DNAJC17: variants seen among roughly 807,000 people sequenced by gnomAD.
The protein encoded by DNAJC17 is DnaJ heat shock protein family (Hsp40) member C17, also known as dnaJ homolog subfamily C member 17.
Under a neutral mutation model 48.1 loss-of-function variants are expected in DNAJC17, and 35 were observed. The observed-to-expected ratio is 0.73, with a 90% CI of 0.56 to 0.96. The LOEUF is 0.96. Among genes scored for constraint, DNAJC17 ranks in the 50% least tolerant of loss-of-function variants. The pLI, the probability that DNAJC17 is intolerant of heterozygous loss-of-function variation, is 0.00. For missense variants in DNAJC17, 355 were observed against 377.1 expected, an observed-to-expected ratio of 0.94 and a Z score of 0.48; for synonymous variants, 117 against 142.7, an observed-to-expected ratio of 0.82 and a Z score of 1.28.
intron 1 of DNAJC17, among the ~76,000 whole-genome samples, chr15:40,795,739 A>G (rs1315643355): frequency 6.6e-6 from 1 of 151,994 alleles, no homozygotes; most frequent in African/African-American, 2.4e-5. Context: ...TACTAAAAAT[A>G]CAAAAATTAG....
intron 1 of DNAJC17, chr15:40,807,096 G>A (rs1272851270): frequency 2.8e-6 from 2 of 720,596 alleles, no homozygotes; most frequent in Admixed American, 6.0e-5. Flanking sequence ...AGCGTTCCTT[G>A]CTGCCTCGCC....
At chr15:40,796,449 A>T (rs1262379551) in intron 1 of DNAJC17, among the ~76,000 whole-genome samples, 4 of 152,208 alleles carry the variant, frequency 2.6e-5, no homozygotes, top group Non-Finnish European at 5.9e-5. Context: ...TGGGAGATAG[A>T]TAACTGCCCA....
chr15:40,780,039 C>A (rs1484649581), intron 1 of DNAJC17, 42 bp from the exon 2 acceptor site: 14 of 1,595,952 alleles, frequency 8.8e-6, no homozygotes, highest in Non-Finnish European at 1.2e-5. Context: ...CACTCTCATC[C>A]CAGGGACAAA....
At chr15:40,775,190 C>CTTGG in intron 7 of DNAJC17, 82 bp from the exon 8 acceptor site, 1 of 1,443,026 alleles carries the variant, frequency 6.9e-7, no homozygotes, top group Non-Finnish European at 9.7e-7. Context: ...TCTGAGCAGA[C>CTTGG]ATCCTCCCAC....
rs1250814356 is a variant in DNAJC17, at chr15:40,767,095, C to T, written c.*845G>A. ...GGAGGCAGGGGGCGTGCACTTACCC[C>T]AGCGCCCAGCAAGCAGCCAGCAAGT... On this transcript the variant is annotated 3_prime_UTR_variant, in exon 11 of 11. Coordinates refer to ENST00000220496, the MANE Select transcript of DNAJC17 (RefSeq NM_018163.3). 8 of 905,380 alleles carry T rather than the reference C, an allele frequency of 8.8e-6. No homozygotes were observed. The highest frequency in any genetic ancestry group is 1.7e-5 in the African/African-American group (1 of 57,694). The allele number at this position is 905,380 out of a possible 1,614,324, so 56.1% of individuals were successfully genotyped here.
In DNAJC17 at chr15:40,767,299, AGC is replaced by A. The variant is rs1888971881; in HGVS notation, c.*639_*640del. ...GGAACGCAGGGGCTTCCGTGTGCTG[AGC>A]ATGACGGGGGTGGGCCAGACGCTGG... On this transcript the variant is annotated 3_prime_UTR_variant, in exon 11 of 11. Coordinates refer to ENST00000220496, the MANE Select transcript of DNAJC17 (RefSeq NM_018163.3). The A allele has an allele frequency of 6.2e-7, 1 of 1,604,722 alleles. No homozygotes were observed. The highest frequency in any genetic ancestry group is 1.3e-5 in the African/African-American group (1 of 74,218).
At chr15:40,801,355 G>T (rs1268493697) in intron 1 of DNAJC17, among the ~76,000 whole-genome samples, 2 of 152,168 alleles carry the variant, frequency 1.3e-5, no homozygotes, top group African/African-American at 4.8e-5. Context: ...GCTTCTCTGA[G>T]GATGCCATTT....
chr15:40,789,849 T>G (rs1212289911), intron 1 of DNAJC17, among the ~76,000 whole-genome samples: 2 of 125,298 alleles, frequency 1.6e-5, no homozygotes, highest in East Asian at 4.8e-4. Context: ...CATCTTGCAG[T>G]GAGCCGAGAT....
intron 1 of DNAJC17, among the ~76,000 whole-genome samples, chr15:40,789,076 A>T (rs541584766): frequency 1.1e-3 from 174 of 152,186 alleles, no homozygotes; most frequent in African/African-American, 3.7e-3. Flanking sequence ...TGCTCCCAAA[A>T]CATGGGCCTG....
rs148595451 is a variant in DNAJC17 at position 40,776,610 on chromosome 15, G to A, written c.313C>T (p.Arg105Trp). The change falls in exon 5 of 11, where the codon CGG becomes TGG. Residue 105 changes from arginine (R) to tryptophan (W), a missense_variant. Arg to Trp is a moderately radical substitution (Grantham distance 101). Transcript: ENST00000220496. ...KVKLDLEARE[R>W]QAQAQESEEE... The stretch of plus-strand genomic sequence containing the variant: ...TCACTCTCCTGGGCCTGGGCCTGCC[G>A]CTCCCGGGCCTCCAGGTCTAGACAC... 6.0e-5 allele frequency: 97 copies of A among 1,613,872 alleles called. No individual in the cohort carries two copies. In the African/African-American group the frequency reaches 6.3e-4, roughly 10 times the overall value.
intron 1 of DNAJC17, among the ~76,000 whole-genome samples, chr15:40,792,832 CCT>C (rs1889840881): frequency 6.6e-6 from 1 of 152,046 alleles, no homozygotes; most frequent in Non-Finnish European, 1.5e-5. Flanking sequence ...AATTTTGTAA[CCT>C]CTCTGAACCT....
At chr15:40,780,756 G>A (rs1347677842) in intron 1 of DNAJC17, among the ~76,000 whole-genome samples, 1 of 152,042 alleles carries the variant, frequency 6.6e-6, no homozygotes, top group Non-Finnish European at 1.5e-5. Context: ...GGAGGTTGCA[G>A]TGAGCCGAAA....
In DNAJC17 at chr15:40,767,825, G is replaced by T; in HGVS notation, c.*115C>A. ...CCAGGCCTGGGTGGAGCGCTCTGCG[G>T]CAGAGCCCAGCACCTTATACCTATG... On this transcript the variant is annotated 3_prime_UTR_variant, in exon 11 of 11. Transcript: ENST00000220496. 1.4e-6 allele frequency: 2 copies of T among 1,451,996 alleles called. No individual in the cohort carries two copies. Among genetic ancestry groups the T allele is most frequent in the Non-Finnish European group, 1.8e-6 (2 of 1,091,512 alleles). The allele number at this position is 1,451,996 out of a possible 1,614,324, so 89.9% of individuals were successfully genotyped here. A position where few individuals can be genotyped will look rare whatever the true frequency, so the allele number is the denominator to read the frequency against.
At chr15:40,799,262 T>G (rs1183227007) in intron 1 of DNAJC17, among the ~76,000 whole-genome samples, 4 of 148,628 alleles carry the variant, frequency 2.7e-5, no homozygotes, top group Non-Finnish European at 5.9e-5. Flanking sequence ...TGGTGCTCGC[T>G]GCTTCAGGCT....
intron 3 of DNAJC17, 56 bp downstream of exon 3, chr15:40,779,489 G>C: frequency 3.1e-6 from 5 of 1,605,218 alleles, no homozygotes; most frequent in Non-Finnish European, 4.3e-6. Flanking sequence ...GAGGTTGAGA[G>C]GCAGCAGTGG....
In DNAJC17 at chr15:40,775,146, G is replaced by A. The variant is rs138210605; in HGVS notation, c.523-38C>T. ...CCTCATGAAACACTGATTCTTGGCT[G>A]AACAGTACCTCACCCCACGACTGAG... On this transcript the variant is annotated intron_variant, in intron 7 of 10. Transcript: ENST00000220496. 668 of 1,601,046 alleles carry A rather than the reference G, an allele frequency of 4.2e-4. 3 individuals are homozygous for A. In the African/African-American group the frequency reaches 8.4e-3, roughly 20 times the overall value.
At position 40,769,144 on chromosome 15, in the gene DNAJC17, G is replaced by A. The variant is rs1174795825; in HGVS notation, c.793-1082C>T. On this transcript the variant is annotated intron_variant, in intron 10 of 10. Transcript: ENST00000220496. The surrounding 1 kb of genome is among the most constrained non-coding windows in gnomAD (Gnocchi z 4.2). ...GGTTCCCCTGTTCCTCCCGATGGCT[G>A]CACCCCTCCCCTCTCCCCGGCTGCA... Among the ~76,000 whole-genome samples, 1 of 152,216 alleles carries A rather than the reference G, an allele frequency of 6.6e-6. No individual in the cohort carries two copies. The highest frequency in any genetic ancestry group is 1.9e-4 in the East Asian group (1 of 5,198).
chr15:40,779,704 T>C (rs1463695121), intron 2 of DNAJC17, 101 bp from the exon 3 acceptor site: 28 of 1,361,662 alleles, frequency 2.1e-5, no homozygotes, highest in Non-Finnish European at 2.3e-5. Flanking sequence ...AGTCACAGGA[T>C]GGCAGACAAG....
intron 1 of DNAJC17, among the ~76,000 whole-genome samples, chr15:40,802,461 G>A (rs1467381066): frequency 1.3e-5 from 2 of 152,150 alleles, no homozygotes; most frequent in South Asian, 2.1e-4. Flanking sequence ...GAGCCACTGC[G>A]CCTGGCCAAT....
Sources: allele counts gnomAD v4.1 joint callset (sites outside exome capture counted in the v4.1 genomes callset), GRCh38; gene constraint gnomAD v4.1.1; non-coding constraint Gnocchi (gnomAD v3.1); transcripts MANE v1.5; gene names NCBI Gene and HGNC (gene_info 2026-07-23, HGNC 2026-07-21).